The following CDH23 variants were observed in gnomAD, a reference collection of about 807,000 sequenced individuals.
The protein encoded by CDH23 is cadherin related 23.
A neutral mutation model predicts 317.1 loss-of-function variants in CDH23; 189 were observed. The observed-to-expected ratio is 0.60, with a 90% CI of 0.53 to 0.67. The LOEUF is 0.67. Among genes scored for constraint, CDH23 ranks in the 30% least tolerant of loss-of-function variants. The pLI is 0.00. For missense variants in CDH23, 4,401 were observed against 4,592.4 expected (o/e 0.96, Z 1.20); for synonymous variants, 1,839 against 1,876.8 (o/e 0.98, Z 0.52).
At chr10:71,640,279 G>A (rs1057219872) in intron 11 of CDH23, among the ~76,000 whole-genome samples, 5 of 152,096 alleles carry the variant, frequency 3.3e-5, no homozygotes, top group South Asian at 2.1e-4. Context: ...GATTGGTGCC[G>A]CCCCAGCCGA....
intron 9 of CDH23, among the ~76,000 whole-genome samples, chr10:71,614,268 C>T (rs1286028696): frequency 6.6e-6 from 1 of 152,246 alleles, no homozygotes; most frequent in Non-Finnish European, 1.5e-5. Context: ...CATCTGCATG[C>T]CCAACAATGC....
At chr10:71,745,475 C>T (rs1304280134) in intron 38 of CDH23, among the ~76,000 whole-genome samples, 1 of 152,118 alleles carries the variant, frequency 6.6e-6, no homozygotes, top group African/African-American at 2.4e-5. Flanking sequence ...ATATGGGACT[C>T]GCCATAAGAG....
At position 71,810,540 on chromosome 10, in the gene CDH23, C is replaced by T. The variant is rs538058499; in HGVS notation, c.9048C>T (p.Arg3016=). 3.7e-5 allele frequency: 60 copies of T among 1,613,966 alleles called. No individual in the cohort carries two copies. Among genetic ancestry groups the T allele is most frequent in the South Asian group, 2.0e-4 (18 of 91,082 alleles). ...QTELLIHVVN[R]DTNRILDVDR... is the part of the protein sequence containing the mutation. ...AACTGCTTATCCACGTGGTGAACCG[C>T]GATACCAACCGCATCCTGGACGTGG... The change falls in exon 62 of 70, where the codon CGC becomes CGT. Residue 3016 remains arginine, a synonymous_variant. Transcript: ENST00000224721.
Position 71,751,096 on chromosome 10 carries a change from T to A in CDH23, c.4845+9175T>A. 4 of 876,602 alleles carry A rather than the reference T, an allele frequency of 4.6e-6. No individual in the cohort carries two copies. The highest frequency in any genetic ancestry group is 6.9e-6 in the Non-Finnish European group (4 of 578,820). 54.3% of individuals were successfully genotyped at this position (876,602 alleles called of 1,614,324 possible). ...CATCCCCATGTAGCATCCAGAGGGGTTGAGGGGCTGGGCTTCTGGGATGTC... is the reference window on the plus strand; with the variant it reads ...CATCCCCATGTAGCATCCAGAGGGGATGAGGGGCTGGGCTTCTGGGATGTC... On this transcript the variant is annotated intron_variant, in intron 38 of 69. Coordinates refer to ENST00000224721, the MANE Select transcript of CDH23 (RefSeq NM_022124.6). This position sits in a 1 kb window ranked among gnomAD's most constrained non-coding sequence, Gnocchi z 4.9.
chr10:71,426,754 TAAGCCCATTTAAAGTGTAC>T, intron 1 of CDH23, among the ~76,000 whole-genome samples: 2 of 152,352 alleles, frequency 1.3e-5, no homozygotes, highest in Admixed American at 1.3e-4. Flanking sequence ...TATGATCCAA[TAAGCCCATTTAAAGTGTAC>T]AATTCAATGG....
At chr10:71,518,446 T>C (rs1479694328) in intron 6 of CDH23, among the ~76,000 whole-genome samples, 1 of 152,232 alleles carries the variant, frequency 6.6e-6, no homozygotes, top group Non-Finnish European at 1.5e-5. Context: ...CTGGGCCTCA[T>C]GCACAGGCTT....
intron 6 of CDH23, among the ~76,000 whole-genome samples, chr10:71,557,688 T>C (rs925626056): frequency 6.6e-6 from 1 of 152,222 alleles, no homozygotes; most frequent in Non-Finnish European, 1.5e-5. Context: ...ATGGAAATAG[T>C]GTTCTTTATA....
intron 53 of CDH23, 28 bp from the exon 54 acceptor site, chr10:71,802,870 C>T (rs1425599578): frequency 1.2e-6 from 2 of 1,613,464 alleles, no homozygotes; most frequent in Admixed American, 1.7e-5. Context: ...CTGCTCCTTA[C>T]CTTTGGCCTT....
rs994535264 is a variant in CDH23, at chr10:71,777,770, G to A, written c.4936G>A (p.Gly1646Ser). Residue 1646 changes from glycine (G) to serine (S), a missense_variant, in exon 39 of 70, where the codon GGC (glycine) becomes AGC (serine). Coordinates refer to ENST00000224721, the MANE Select transcript of CDH23 (RefSeq NM_022124.6). ...CCACTATGAGGTGCTGCTGGATGAG[G>A]GCCCAGACACGCTCAACACCAGCCT... ...QPHYEVLLDEGPDTLNTSLIT... is the reference protein window; with the variant it reads ...QPHYEVLLDESPDTLNTSLIT... The A allele has an allele frequency of 6.8e-6, 11 of 1,613,836 alleles. No individual in the cohort carries two copies. Among genetic ancestry groups the A allele is most frequent in the Non-Finnish European group, 9.3e-6 (11 of 1,179,856 alleles).
At chr10:71,794,165 C>T (rs1055420863) in intron 48 of CDH23, among the ~76,000 whole-genome samples, 12 of 152,156 alleles carry the variant, frequency 7.9e-5, no homozygotes, top group African/African-American at 2.9e-4. Context: ...CCACACCCAG[C>T]TAATTTTTGT....
intron 1 of CDH23, among the ~76,000 whole-genome samples, chr10:71,433,939 C>T (rs116143676): frequency 0.015 from 2,300 of 151,592 alleles, 55 homozygotes; most frequent in African/African-American, 0.051. Context: ...AGCCAGGGTG[C>T]TTCTTGAAAA....
intron 18 of CDH23, among the ~76,000 whole-genome samples, chr10:71,684,084 AAAAC>A (rs1244310435): frequency 2.2e-5 from 3 of 134,854 alleles, no homozygotes; most frequent in East Asian, 4.2e-4. Context: ...TCCATCTCAA[AAAAC>A]AAACAAACAA....
chr10:71,798,510 G>T lies in CDH23; in HGVS notation c.6986G>T (p.Gly2329Val). ...AAVDPDKGLN[G>V]LVTYTLLDLV... ...GTGGACCCTGACAAGGGCCTTAATG[G>T]GCTGGTCACCTACACCCTGCTGGAC... Residue 2329 changes from glycine to valine, a missense_variant, in exon 50 of 70, where the codon GGG (glycine) becomes GTG (valine). This residue lies in a region of CDH23 where 3,068 missense variants were observed against 3,203.3 expected (regional missense o/e 0.96). Coordinates refer to ENST00000224721, the MANE Select transcript of CDH23 (RefSeq NM_022124.6). 6.2e-7 allele frequency: 1 copy of T among 1,613,926 alleles called. No homozygotes were observed.
At chr10:71,723,977 C>T in intron 28 of CDH23, 68 bp from the exon 29 acceptor site, 3 of 1,524,222 alleles carry the variant, frequency 2.0e-6, no homozygotes. Context: ...AGGAAAGGAA[C>T]TCTAAAAACC....
intron 42 of CDH23, 98 bp from the exon 43 acceptor site, chr10:71,784,793 C>G (rs1033934492): frequency 3.4e-6 from 3 of 895,150 alleles, no homozygotes; most frequent in Non-Finnish European, 5.6e-6. Context: ...TGCACCCTCC[C>G]TCCCTCCATG....
Position 71,734,296 on chromosome 10 carries a change from G to T in CDH23, c.4161G>T (p.Leu1387Phe). The T allele has an allele frequency of 6.2e-7, 1 of 1,612,530 alleles. No homozygotes were observed. Among genetic ancestry groups the T allele is most frequent in the South Asian group, 1.1e-5 (1 of 90,646 alleles). ...VDREKGDFYT[L>F]TVVADDGGPK... ...GTGAGAAGGGCGACTTCTATACCTT[G>T]ACAGTGGTGGCAGATGACGGCGGCC... The change falls in exon 33 of 70, where the codon TTG becomes TTT. Residue 1387 changes from leucine (L) to phenylalanine (F), a missense_variant. Around this residue, in one of 3 missense-constraint regions of CDH23, gnomAD observed 3,068 missense variants for 3,203.3 expected, o/e 0.96. Transcript: ENST00000224721.
At chr10:71,775,861 T>A (rs1329880373) in intron 38 of CDH23, among the ~76,000 whole-genome samples, 1 of 152,192 alleles carries the variant, frequency 6.6e-6, no homozygotes, top group African/African-American at 2.4e-5. Context: ...ATCTTGTGGC[T>A]CTGCAGGGCC....
At chr10:71,648,787 G>T (rs956734) in intron 14 of CDH23, among the ~76,000 whole-genome samples, 4 of 152,174 alleles carry the variant, frequency 2.6e-5, no homozygotes, top group African/African-American at 9.6e-5. Flanking sequence ...CAGCAGATCC[G>T]GCCAGCCTCC....
intron 17 of CDH23, among the ~76,000 whole-genome samples, chr10:71,680,973 C>T (rs868516374): frequency 8.6e-5 from 13 of 150,548 alleles, no homozygotes; most frequent in African/African-American, 2.7e-4. Flanking sequence ...GGATTACAGT[C>T]GTGCCACCAC....
Sources: gnomAD v4.1 joint callset for allele counts (sites outside exome capture counted in the v4.1 genomes callset) on GRCh38, gnomAD v4.1.1 for gene constraint, gnomAD v4.1.1 regional missense constraint, Gnocchi (gnomAD v3.1) non-coding constraint, MANE v1.5 for transcripts, NCBI Gene and HGNC (gene_info 2026-07-23, HGNC 2026-07-21) for gene names.